PRLR: variants seen among roughly 807,000 people sequenced by gnomAD.
The protein encoded by PRLR is prolactin receptor.
PRLR carries 13 observed loss-of-function variants against 40.2 expected under a neutral mutation model. The ratio of observed to expected loss-of-function variants is 0.32; its 90% CI spans 0.21 to 0.51. The LOEUF is 0.51. Ranked by LOEUF, PRLR falls within the 20% of genes least tolerant of loss-of-function variation. The pLI is 0.97. For missense variants in PRLR, 656 were observed against 747.3 expected (o/e 0.88, Z 1.42); for synonymous variants, 269 against 278.7 (o/e 0.97, Z 0.35).
intron 5 of PRLR, among the ~76,000 whole-genome samples, chr5:35,081,059 G>A: frequency 9.9e-6 from 1 of 100,616 alleles, no homozygotes; most frequent in African/African-American, 3.9e-5. Flanking sequence ...GGGGAGGGGG[G>A]AGGGATAGCA....
intron 1 of PRLR, among the ~76,000 whole-genome samples, chr5:35,138,382 G>C (rs1012756533): frequency 3.3e-5 from 5 of 152,224 alleles, no homozygotes; most frequent in African/African-American, 1.2e-4. Context: ...TAAAGAAAAT[G>C]TCATCATGGT....
chr5:35,209,722 C>T (rs570147988), intron 1 of PRLR, among the ~76,000 whole-genome samples: 3 of 152,184 alleles, frequency 2.0e-5, no homozygotes, highest in Non-Finnish European at 2.9e-5. Flanking sequence ...TTCATTTCCA[C>T]GATCCAGAAG....
intron 1 of PRLR, among the ~76,000 whole-genome samples, chr5:35,183,691 C>T (rs1157323583): frequency 6.6e-6 from 1 of 152,174 alleles, no homozygotes; most frequent in African/African-American, 2.4e-5. Context: ...GGTCACAGAG[C>T]TCCAGTGAAA....
At chr5:35,217,221 T>C (rs541475878) in intron 1 of PRLR, among the ~76,000 whole-genome samples, 69 of 152,306 alleles carry the variant, frequency 4.5e-4, no homozygotes, top group Admixed American at 7.2e-4. Flanking sequence ...ATGCCAACAC[T>C]GGGGGCCTAA....
At chr5:35,207,101 AG>A (rs1776042583) in intron 1 of PRLR, among the ~76,000 whole-genome samples, 1 of 152,128 alleles carries the variant, frequency 6.6e-6, no homozygotes, top group Non-Finnish European at 1.5e-5. Context: ...GTTATGTAAG[AG>A]GTGTTCTTCT....
chr5:35,081,759 G>C, intron 5 of PRLR: 1 of 149,292 alleles, frequency 6.7e-6, no homozygotes, highest in Non-Finnish European at 1.5e-5. Context: ...TATAATGCTT[G>C]AGGGTAAGGC....
In PRLR at chr5:35,062,570, A is replaced by AT. The variant is rs202073248; in HGVS notation, c.*2518dup. The AT allele has an allele frequency of 6.6e-6, 1 of 152,108 alleles. No individual in the cohort carries two copies. The highest frequency in any genetic ancestry group is 1.5e-5 in the Non-Finnish European group (1 of 68,022). 9.4% of individuals were successfully genotyped at this position (152,108 alleles called of 1,614,324 possible). On this transcript the variant is annotated 3_prime_UTR_variant, in exon 10 of 10. Coordinates refer to ENST00000618457, the MANE Select transcript of PRLR (RefSeq NM_000949.7). ...TTTAATTCAAGTCCTTAGCTGTCAC[A>AT]TTTTTTCATACGTATTATACAAAAT...
chr5:35,100,323 T>C (rs1771801934), intron 2 of PRLR, among the ~76,000 whole-genome samples: 1 of 152,102 alleles, frequency 6.6e-6, no homozygotes, highest in African/African-American at 2.4e-5. Flanking sequence ...GTATATAAAG[T>C]CCACAGTAGT....
At chr5:35,131,040 G>A (rs1773654110) in intron 1 of PRLR, among the ~76,000 whole-genome samples, 1 of 152,170 alleles carries the variant, frequency 6.6e-6, no homozygotes, top group Non-Finnish European at 1.5e-5. Flanking sequence ...CTCTAGAAGT[G>A]TCGGAAAATA....
At chr5:35,189,593 A>G (rs958015839) in intron 1 of PRLR, among the ~76,000 whole-genome samples, 2 of 138,890 alleles carry the variant, frequency 1.4e-5, no homozygotes, top group Non-Finnish European at 3.2e-5. Flanking sequence ...AAAAAAAAAA[A>G]GAAAGTTGTT....
chr5:35,088,447 C>A (rs1770997095), intron 3 of PRLR, among the ~76,000 whole-genome samples: 1 of 152,042 alleles, frequency 6.6e-6, no homozygotes, highest in African/African-American at 2.4e-5. Context: ...CACTCGGAAG[C>A]CAATTAGGGT....
intron 2 of PRLR, among the ~76,000 whole-genome samples, chr5:35,105,453 C>T (rs1273706987): frequency 6.6e-6 from 1 of 152,074 alleles, no homozygotes; most frequent in Non-Finnish European, 1.5e-5. Flanking sequence ...GTGTTCAAAC[C>T]CATCGCAAAG....
intron 1 of PRLR, among the ~76,000 whole-genome samples, chr5:35,192,265 G>A (rs1775628840): frequency 6.6e-6 from 1 of 152,172 alleles, no homozygotes; most frequent in South Asian, 2.1e-4. Flanking sequence ...AATTAGGGCA[G>A]AGCTCTATGC....
intron 1 of PRLR, among the ~76,000 whole-genome samples, chr5:35,190,498 G>A (rs377640976): frequency 6.6e-6 from 1 of 151,992 alleles, no homozygotes; most frequent in Non-Finnish European, 1.5e-5. Flanking sequence ...CTAGCTACTC[G>A]GAAGTCTGAG....
chr5:35,203,475 G>C (rs957293205), intron 1 of PRLR, among the ~76,000 whole-genome samples: 14 of 152,110 alleles, frequency 9.2e-5, no homozygotes, highest in African/African-American at 3.4e-4. Context: ...AAGATAGTTG[G>C]AATTATTACC....
chr5:35,080,537 A>G (rs2112439840), intron 5 of PRLR, among the ~76,000 whole-genome samples: 1 of 152,306 alleles, frequency 6.6e-6, no homozygotes, highest in Admixed American at 6.5e-5. Context: ...AAAAGTCAGG[A>G]AACAACAGGT....
chr5:35,173,503 A>T (rs979337062), intron 1 of PRLR, among the ~76,000 whole-genome samples: 1 of 152,212 alleles, frequency 6.6e-6, no homozygotes, highest in Admixed American at 6.5e-5. Flanking sequence ...AGAATCATTT[A>T]GCAGCTCAAG....
chr5:35,072,827 T>C (rs1021054191), intron 5 of PRLR, 83 bp from the exon 6 acceptor site: 2 of 1,494,840 alleles, frequency 1.3e-6, no homozygotes, highest in African/African-American at 1.4e-5. Flanking sequence ...GGAATTCCTT[T>C]TTCTGTTTAT....
chr5:35,176,424 T>A (rs961478328), intron 1 of PRLR, among the ~76,000 whole-genome samples: 4 of 152,216 alleles, frequency 2.6e-5, no homozygotes, highest in African/African-American at 9.6e-5. Flanking sequence ...TTACTGTGTC[T>A]GTGTAGAAAG....
Sources: allele counts gnomAD v4.1 joint callset (sites outside exome capture counted in the v4.1 genomes callset), GRCh38; gene constraint gnomAD v4.1.1; transcripts MANE v1.5; gene names NCBI Gene and HGNC (gene_info 2026-07-23, HGNC 2026-07-21).